Variants in RIMS2 observed in about 807,000 individuals in gnomAD.
RIMS2 encodes the protein regulating synaptic membrane exocytosis 2.
RIMS2 carries 59 observed loss-of-function variants against 174.4 expected under a neutral mutation model. That is an observed-to-expected ratio of 0.34 (90% CI 0.27 to 0.42). RIMS2 has a LOEUF of 0.42. RIMS2 is among the 10% of genes least tolerant of loss of function. RIMS2 has a pLI of 1.00. For missense variants in RIMS2, 1,620 were observed against 1,666.3 expected, an observed-to-expected ratio of 0.97 and a Z score of 0.48; for synonymous variants, 606 against 572.5, an observed-to-expected ratio of 1.06 and a Z score of -0.84.
At chr8:103,722,822 G>T (rs2097470164) in intron 2 of RIMS2, among the ~76,000 whole-genome samples, 1 of 152,212 alleles carries the variant, frequency 6.6e-6, no homozygotes, top group African/African-American at 2.4e-5. Flanking sequence ...AGCTGGGAGA[G>T]AACTCCTTAT....
chr8:103,593,977 A>T (rs1439530500), intron 1 of RIMS2, among the ~76,000 whole-genome samples: 1 of 151,652 alleles, frequency 6.6e-6, no homozygotes, highest in Non-Finnish European at 1.5e-5. Context: ...TAGAGGAAAG[A>T]CATAGTATTT....
At chr8:103,761,061 CG>C (rs1418321105) in intron 2 of RIMS2, among the ~76,000 whole-genome samples, 2 of 152,122 alleles carry the variant, frequency 1.3e-5, no homozygotes, top group African/African-American at 2.4e-5. Flanking sequence ...TGTGTTCATA[CG>C]TGCTAACAAC....
At chr8:104,213,704 C>G (rs2099115877) in intron 19 of RIMS2, among the ~76,000 whole-genome samples, 1 of 152,006 alleles carries the variant, frequency 6.6e-6, no homozygotes, top group South Asian at 2.1e-4. Flanking sequence ...CAGTGAAACC[C>G]CGTCTCTACT....
intron 1 of RIMS2, among the ~76,000 whole-genome samples, chr8:103,519,154 T>A (rs1242063871): frequency 6.6e-6 from 1 of 152,104 alleles, no homozygotes; most frequent in Non-Finnish European, 1.5e-5. Flanking sequence ...AAGGGAGATA[T>A]GTATAGAATA....
intron 3 of RIMS2, among the ~76,000 whole-genome samples, chr8:103,817,079 A>T (rs775317370): frequency 5.3e-5 from 8 of 152,196 alleles, no homozygotes; most frequent in Non-Finnish European, 1.2e-4. Context: ...TAAGAAATTT[A>T]AAAATGTTTG....
intron 19 of RIMS2, among the ~76,000 whole-genome samples, chr8:104,032,464 A>G (rs1288656943): frequency 6.6e-6 from 1 of 152,078 alleles, no homozygotes; most frequent in Non-Finnish European, 1.5e-5. Flanking sequence ...GACCTTAAGC[A>G]GTAGGATATA....
intron 1 of RIMS2, among the ~76,000 whole-genome samples, chr8:103,505,070 T>A (rs1822794948): frequency 6.6e-6 from 1 of 151,926 alleles, no homozygotes; most frequent in Non-Finnish European, 1.5e-5. Context: ...CCCAGGCTGG[T>A]CTTGAACTCC....
chr8:103,603,244 G>A (rs376822182), intron 1 of RIMS2, among the ~76,000 whole-genome samples: 3 of 149,498 alleles, frequency 2.0e-5, no homozygotes, highest in East Asian at 2.0e-4. Flanking sequence ...GAGCATATGC[G>A]GTGTTTGGTT....
chr8:103,915,402 G>A, intron 6 of RIMS2, 93 bp from the exon 10 acceptor site: 1 of 602,300 alleles, frequency 1.7e-6, no homozygotes, highest in Non-Finnish European at 2.9e-6. Flanking sequence ...CGTTTTAGGT[G>A]TTGCAAATTG....
At chr8:103,916,058 A>C (rs748269266) in intron 7 of RIMS2, among the ~76,000 whole-genome samples, 1 of 151,970 alleles carries the variant, frequency 6.6e-6, no homozygotes, top group African/African-American at 2.4e-5. Flanking sequence ...AACCCTTTAC[A>C]AAAAAACAAG....
chr8:104,056,529 A>G (rs967460343), intron 19 of RIMS2, among the ~76,000 whole-genome samples: 3 of 152,212 alleles, frequency 2.0e-5, no homozygotes, highest in Admixed American at 6.5e-5. Flanking sequence ...GGACTCGTGA[A>G]GCCAGGACTA....
intron 1 of RIMS2, among the ~76,000 whole-genome samples, chr8:103,525,404 T>C (rs1295919517): frequency 6.6e-6 from 1 of 152,202 alleles, no homozygotes. Context: ...GGATAGCTGT[T>C]TGCAGAAACT....
At chr8:104,164,278 A>G (rs2134987297) in intron 19 of RIMS2, among the ~76,000 whole-genome samples, 1 of 152,288 alleles carries the variant, frequency 6.6e-6, no homozygotes, top group Non-Finnish European at 1.5e-5. Flanking sequence ...CAGTTGTGAA[A>G]TTATCTTACT....
chr8:103,962,800 G>A (rs1018050635), intron 15 of RIMS2, among the ~76,000 whole-genome samples: 1 of 152,002 alleles, frequency 6.6e-6, no homozygotes, highest in South Asian at 2.1e-4. Flanking sequence ...ACTAACTAGG[G>A]TTACTAACTA....
intron 19 of RIMS2, among the ~76,000 whole-genome samples, chr8:104,147,988 T>C (rs982339106): frequency 1.3e-5 from 2 of 152,334 alleles, no homozygotes; most frequent in Admixed American, 6.5e-5. Context: ...ATCTTTCTTT[T>C]CTTTATTTTT....
intron 19 of RIMS2, among the ~76,000 whole-genome samples, chr8:104,125,117 G>A (rs761044421): frequency 7.2e-5 from 11 of 152,040 alleles, no homozygotes; most frequent in Admixed American, 3.3e-4. Context: ...TGTGCTGCCC[G>A]TGGTAAAGGA....
intron 1 of RIMS2, among the ~76,000 whole-genome samples, chr8:103,692,751 G>A (rs936985594): frequency 1.3e-5 from 2 of 152,184 alleles, no homozygotes; most frequent in African/African-American, 2.4e-5. Flanking sequence ...CTGTGGCTGA[G>A]CTGGTATCCA....
chr8:103,691,762 T>C (rs796934044), intron 1 of RIMS2, among the ~76,000 whole-genome samples: 22 of 152,298 alleles, frequency 1.4e-4, no homozygotes, highest in African/African-American at 4.8e-4. Flanking sequence ...CTTTGGTTTC[T>C]GGGGATCAAA....
At chr8:103,954,389 C>G (rs2086444623) in intron 14 of RIMS2, among the ~76,000 whole-genome samples, 1 of 152,156 alleles carries the variant, frequency 6.6e-6, no homozygotes, top group Non-Finnish European at 1.5e-5. Flanking sequence ...GAACGGAAAT[C>G]ATAACAAACA....
Sources: gnomAD v4.1 joint callset for allele counts (sites outside exome capture counted in the v4.1 genomes callset) on GRCh38, gnomAD v4.1.1 for gene constraint, MANE v1.5 for transcripts, NCBI Gene and HGNC (gene_info 2026-07-23, HGNC 2026-07-21) for gene names.